The following ZNF609 variants were observed in gnomAD, a reference collection of about 807,000 sequenced individuals.
ZNF609 encodes zinc finger protein 609.
ZNF609 carries 11 observed loss-of-function variants against 109.5 expected under a neutral mutation model. The observed-to-expected ratio is 0.10, with a 90% CI of 0.06 to 0.17. ZNF609 has a LOEUF of 0.17. ZNF609 is among the 10% of genes least tolerant of loss of function. ZNF609 has a pLI of 1.00. For synonymous variants in ZNF609, 646 were observed against 662.0 expected, an observed-to-expected ratio of 0.98 and a Z score of 0.37; for missense variants, 1,559 against 1,772.4, an observed-to-expected ratio of 0.88 and a Z score of 2.16.
intron 2 of ZNF609, among the ~76,000 whole-genome samples, chr15:64,549,476 T>C (rs1894427795): frequency 6.6e-6 from 1 of 152,110 alleles, no homozygotes; most frequent in Admixed American, 6.6e-5. Flanking sequence ...GTGCCAAGAC[T>C]GTTGTAAGAA....
Position 64,678,334 on chromosome 15 carries a change from G to A in ZNF609, c.3621G>A (p.Arg1207=), listed in dbSNP as rs139171660. 17 of 1,613,984 alleles carry A rather than the reference G, an allele frequency of 1.1e-5. No homozygotes were observed. In the African/African-American group the frequency reaches 2.1e-4, roughly 20 times the overall value. ...CTCGCCTTGGGAGCAAGGAGCCCCGGCCAAGTGTCCATGTGCCTGTGTCCT... is the reference window on the plus strand; with the variant it reads ...CTCGCCTTGGGAGCAAGGAGCCCCGACCAAGTGTCCATGTGCCTGTGTCCT... The part of the protein sequence containing the change: ...EESRLGSKEP[R]PSVHVPVSSP... Residue 1207 remains arginine, a synonymous_variant, in exon 6 of 10, where the codon CGG becomes CGA. Coordinates refer to ENST00000326648, the MANE Select transcript of ZNF609 (RefSeq NM_015042.2).
At chr15:64,475,317 A>G (rs1189596839) in intron 1 of ZNF609, among the ~76,000 whole-genome samples, 1 of 150,858 alleles carries the variant, frequency 6.6e-6, no homozygotes, top group Non-Finnish European at 1.5e-5. Context: ...ACCTATCTCC[A>G]GAATTGATTT....
At chr15:64,652,137 T>A (rs931522689) in intron 3 of ZNF609, among the ~76,000 whole-genome samples, 1 of 151,990 alleles carries the variant, frequency 6.6e-6, no homozygotes, top group Non-Finnish European at 1.5e-5. Flanking sequence ...CCTATTCTCA[T>A]GCCTCAGCCT....
At chr15:64,608,059 C>T (rs11637476) in intron 2 of ZNF609, among the ~76,000 whole-genome samples, 46,497 of 151,116 alleles carry the variant, frequency 0.31, 9,334 homozygotes, top group Non-Finnish European at 0.45. Flanking sequence ...CCAACATGCC[C>T]GGCTAATTTT....
At chr15:64,580,955 C>CTTTTTTTTTT (rs57690590) in intron 2 of ZNF609, among the ~76,000 whole-genome samples, 4 of 58,746 alleles carry the variant, frequency 6.8e-5, no homozygotes, top group African/African-American at 3.1e-4. Flanking sequence ...TCAATGTCTT[C>CTTTTTTTTTT]TTTTTTTTTT....
chr15:64,537,231 T>A (rs1054260515), intron 2 of ZNF609, among the ~76,000 whole-genome samples: 1 of 118,190 alleles, frequency 8.5e-6, no homozygotes, highest in South Asian at 2.6e-4. Context: ...GGTGCGGTGG[T>A]TCACACCTGT....
At chr15:64,488,074 A>G (rs1445107424) in intron 1 of ZNF609, among the ~76,000 whole-genome samples, 1 of 152,208 alleles carries the variant, frequency 6.6e-6, no homozygotes, top group Non-Finnish European at 1.5e-5. Context: ...CTATGCATGA[A>G]TGAGACTGTT....
chr15:64,556,662 C>T (rs1187129671), intron 2 of ZNF609, among the ~76,000 whole-genome samples: 1 of 152,166 alleles, frequency 6.6e-6, no homozygotes, highest in African/African-American at 2.4e-5. Flanking sequence ...TAGTCTTTCA[C>T]ATAATGCCAG....
At chr15:64,479,254 A>G (rs534517923) in intron 1 of ZNF609, among the ~76,000 whole-genome samples, 47 of 151,704 alleles carry the variant, frequency 3.1e-4, no homozygotes, top group African/African-American at 1.1e-3. Context: ...TTTTCTGCCA[A>G]TAACAAAACC....
intron 2 of ZNF609, among the ~76,000 whole-genome samples, chr15:64,550,885 A>G (rs1894457681): frequency 1.3e-5 from 2 of 150,874 alleles, no homozygotes; most frequent in Non-Finnish European, 1.5e-5. Flanking sequence ...ATTTTCTCCC[A>G]TTCTGTAGGT....
chr15:64,654,233 C>T (rs549929531), intron 3 of ZNF609: 4 of 152,052 alleles, frequency 2.6e-5, no homozygotes, highest in African/African-American at 9.7e-5. Flanking sequence ...GATGGTGTTT[C>T]TCCATGTTGA....
chr15:64,616,043 G>A (rs1197664155), intron 2 of ZNF609, among the ~76,000 whole-genome samples: 1 of 151,908 alleles, frequency 6.6e-6, no homozygotes, highest in East Asian at 1.9e-4. Flanking sequence ...TTCAGATAGG[G>A]TCTCTCATTT....
chr15:64,489,878 A>G (rs921616484), intron 1 of ZNF609, among the ~76,000 whole-genome samples: 9 of 152,090 alleles, frequency 5.9e-5, no homozygotes, highest in African/African-American at 1.9e-4. Context: ...CAAAAAGTTT[A>G]TCTCTGGGGA....
rs376762165 is a variant in ZNF609, at chr15:64,570,005, A to G, written c.748-52822A>G. On this transcript the variant is annotated intron_variant, in intron 2 of 9. Transcript: ENST00000326648. ...CTAGATCACATCTTACAATATCTCT[A>G]TGAGATAGGAACTCTTTCTTTCTTA... 6.4e-4 allele frequency among the ~76,000 whole-genome samples: 97 copies of G among 152,268 alleles called. 1 individual carries two copies. The South Asian group carries it at 0.019, about 29-fold the overall frequency.
At chr15:64,467,548 T>C (rs1437990490) in intron 1 of ZNF609, among the ~76,000 whole-genome samples, 1 of 152,194 alleles carries the variant, frequency 6.6e-6, no homozygotes, top group East Asian at 1.9e-4. Flanking sequence ...TAAAATACTT[T>C]AGAAAACATG....
At chr15:64,638,083 T>G (rs1397058567) in intron 3 of ZNF609, among the ~76,000 whole-genome samples, 1 of 147,918 alleles carries the variant, frequency 6.8e-6, no homozygotes, top group Non-Finnish European at 1.5e-5. Flanking sequence ...GAATTTATTT[T>G]TGTTTAGGAT....
intron 2 of ZNF609, among the ~76,000 whole-genome samples, chr15:64,565,031 G>A (rs559422531): frequency 1.4e-5 from 2 of 146,168 alleles, no homozygotes; most frequent in African/African-American, 5.0e-5. Flanking sequence ...TGTATTTTTA[G>A]TAGAGACGGG....
chr15:64,538,235 A>G (rs1428362345), intron 2 of ZNF609, among the ~76,000 whole-genome samples: 4 of 152,248 alleles, frequency 2.6e-5, no homozygotes, highest in Non-Finnish European at 4.4e-5. Context: ...AAATATTTCT[A>G]GTGATAAGAT....
intron 2 of ZNF609, among the ~76,000 whole-genome samples, chr15:64,536,443 T>C (rs1159892040): frequency 6.6e-6 from 1 of 152,142 alleles, no homozygotes; most frequent in Non-Finnish European, 1.5e-5. Flanking sequence ...TAACCTTTCA[T>C]CTTTTGCTTG....
Sources: allele counts gnomAD v4.1 joint callset (sites outside exome capture counted in the v4.1 genomes callset), GRCh38; gene constraint gnomAD v4.1.1; transcripts MANE v1.5; gene names NCBI Gene and HGNC (gene_info 2026-07-23, HGNC 2026-07-21).